KIAA1217: variants seen among roughly 807,000 people sequenced by gnomAD.
KIAA1217 encodes sickle tail protein homolog.
In KIAA1217, 88 loss-of-function variants were observed where a neutral mutation model predicts 163.9. The observed-to-expected ratio is 0.54, with a 90% confidence interval of 0.45 to 0.64. The LOEUF (loss-of-function observed/expected upper bound fraction) is 0.64. Among genes scored for constraint, KIAA1217 ranks in the 30% least tolerant of loss-of-function variants. KIAA1217 has a pLI of 0.00. For synonymous variants in KIAA1217, 903 were observed against 923.1 expected (o/e 0.98, Z 0.39); for missense variants, 2,372 against 2,475.0 (o/e 0.96, Z 0.88).
intron 3 of KIAA1217, among the ~76,000 whole-genome samples, chr10:24,405,903 A>G (rs2057158282): frequency 6.6e-6 from 1 of 152,214 alleles, no homozygotes; most frequent in African/African-American, 2.4e-5. Context: ...ATTTTCTAAA[A>G]GGAATGCTGC....
rs573885579 is a variant in KIAA1217 at position 24,457,418 on chromosome 10, GGCTGGAGTGCAGTGGTATAATCATA to G, written c.847-15781_847-15757del. 2.8e-3 allele frequency among the ~76,000 whole-genome samples: 433 copies of G among 152,062 alleles called. 2 individuals carry two copies. Among genetic ancestry groups the G allele is most frequent in the African/African-American group, 9.6e-3 (399 of 41,492 alleles). On this transcript the variant is annotated intron_variant, in intron 5 of 20. Transcript: ENST00000376454. ...GAACAGGATCGTATTCTGTCACCCA[GGCTGGAGTGCAGTGGTATAATCATA>G]GCTGGAGTGCAGTGGTATAATCATA...
chr10:24,119,827 G>A, intron 2 of KIAA1217, among the ~76,000 whole-genome samples: 1 of 152,254 alleles, frequency 6.6e-6, no homozygotes, highest in Admixed American at 6.5e-5. Flanking sequence ...GTGCTGTCTG[G>A]CCAATGTCTG....
At position 24,108,517 on chromosome 10, in the gene KIAA1217, C is replaced by G. The variant is rs1261737546; in HGVS notation, c.-171+101143C>G. On this transcript the variant is annotated intron_variant, in intron 2 of 18. Transcript: ENST00000376462. ...CTTTGTATAATAGTTAAATGAATAG[C>G]AAGAGAAAAGAAACCTTGAAGTCAA... 3.3e-5 allele frequency among the ~76,000 whole-genome samples: 5 copies of G among 152,014 alleles called. No homozygotes were observed. The East Asian group carries it at 9.6e-4, about 29-fold the overall frequency.
chr10:23,913,682 C>A (rs546811780), intron 1 of KIAA1217, among the ~76,000 whole-genome samples: 117 of 152,244 alleles, frequency 7.7e-4, no homozygotes, highest in Middle Eastern at 3.4e-3. Context: ...ATAGCACTGT[C>A]CCTCTCGATT....
chr10:23,901,977 A>G (rs1160242880), intron 1 of KIAA1217, among the ~76,000 whole-genome samples: 1 of 151,942 alleles, frequency 6.6e-6, no homozygotes, highest in African/African-American at 2.4e-5. Context: ...ATACTTGGAT[A>G]TGTATCCAGA....
At chr10:24,466,723 G>A in intron 5 of KIAA1217, 1 of 985,446 alleles carries the variant, frequency 1.0e-6, no homozygotes, top group Non-Finnish European at 1.2e-6. Context: ...AAGGAATCAT[G>A]TAATCAGGAC....
intron 1 of KIAA1217, among the ~76,000 whole-genome samples, chr10:23,835,304 A>G (rs1302724755): frequency 6.6e-6 from 1 of 152,200 alleles, no homozygotes. Context: ...TAGTAGAAAA[A>G]AGAATATGAA....
chr10:24,049,240 T>C (rs1238772688), intron 2 of KIAA1217, among the ~76,000 whole-genome samples: 1 of 152,094 alleles, frequency 6.6e-6, no homozygotes, highest in Admixed American at 6.6e-5. Context: ...CATAGCCTGC[T>C]TAGGGTAGAG....
chr10:24,308,036 GAA>G (rs888649259), intron 2 of KIAA1217, among the ~76,000 whole-genome samples: 1 of 152,118 alleles, frequency 6.6e-6, no homozygotes, highest in African/African-American at 2.4e-5. Context: ...AATTATAAAA[GAA>G]AAATATAGCC....
At chr10:23,949,570 TAGAC>T (rs964333150) in intron 1 of KIAA1217, among the ~76,000 whole-genome samples, 3 of 151,950 alleles carry the variant, frequency 2.0e-5, no homozygotes, top group East Asian at 1.9e-4. Context: ...AGAAAAAAAA[TAGAC>T]AGGAACATTT....
intron 2 of KIAA1217, among the ~76,000 whole-genome samples, chr10:24,063,708 C>G (rs918524604): frequency 3.9e-5 from 6 of 152,070 alleles, no homozygotes; most frequent in African/African-American, 1.4e-4. Flanking sequence ...GGGGATGGCA[C>G]TGAATCTATA....
chr10:24,179,595 C>CT (rs1231840342), intron 2 of KIAA1217, among the ~76,000 whole-genome samples: 9 of 151,514 alleles, frequency 5.9e-5, no homozygotes, highest in South Asian at 4.2e-4. Flanking sequence ...TCTTTCTTTT[C>CT]TTTTTTTTTC....
chr10:24,148,043 G>A (rs148289741), intron 2 of KIAA1217, among the ~76,000 whole-genome samples: 30 of 151,996 alleles, frequency 2.0e-4, no homozygotes, highest in Middle Eastern at 3.4e-3. Context: ...ACTTTTGAGC[G>A]TATAAGCCCA....
intron 2 of KIAA1217, among the ~76,000 whole-genome samples, chr10:24,033,777 C>G (rs1393077286): frequency 6.6e-6 from 1 of 152,206 alleles, no homozygotes; most frequent in Non-Finnish European, 1.5e-5. Context: ...CAAATCTGTC[C>G]AGCCACCTGT....
rs1036415861 is a variant in KIAA1217, at chr10:24,546,125, T to G, written c.5633T>G (p.Phe1878Cys). 1 of 1,614,042 alleles carries G rather than the reference T, an allele frequency of 6.2e-7. No homozygotes were observed. Among genetic ancestry groups the G allele is most frequent in the African/African-American group, 1.3e-5 (1 of 74,902 alleles). The stretch of plus-strand genomic sequence containing the variant: ...ACAGGTAAAGGTCACCATCTTTCAT[T>G]CTCACCGCAGAGTCAAAATGGCCGA... ...THTGKGHHLSFSPQSQNGRAP... is the reference protein window; with the variant it reads ...THTGKGHHLSCSPQSQNGRAP... The change falls in exon 21 of 21, where the codon TTC (phenylalanine) becomes TGC (cysteine). Residue 1878 changes from phenylalanine to cysteine, a missense_variant. By Grantham distance (205) the Phe-to-Cys change is radical. This residue lies in a region of KIAA1217 where 690 missense variants were observed against 677.5 expected (regional missense o/e 1.02). Coordinates refer to ENST00000376454, the MANE Select transcript of KIAA1217 (RefSeq NM_019590.5).
chr10:24,380,614 CAATAAATAAATA>C lies in KIAA1217; in HGVS notation c.355-226_355-215del, dbSNP rs56384961. On this transcript the variant is annotated intron_variant, in intron 2 of 20. Transcript: ENST00000376454. The stretch of plus-strand genomic sequence containing the variant: ...CCGATCTCACACCACTGCACTCTGG[CAATAAATAAATA>C]AATAAATAAATAAATAAATAAATAA... Among the ~76,000 whole-genome samples, 2,292 of 145,616 alleles carry C rather than the reference CAATAAATAAATA, an allele frequency of 0.016. 90 individuals are homozygous for C. In the East Asian group the frequency reaches 0.17, roughly 11 times the overall value.
chr10:23,770,946 A>G (rs1834768504), intron 1 of KIAA1217, among the ~76,000 whole-genome samples: 1 of 152,178 alleles, frequency 6.6e-6, no homozygotes, highest in Non-Finnish European at 1.5e-5. Context: ...GACAACATAA[A>G]TTAGCGTGTT....
intron 2 of KIAA1217, among the ~76,000 whole-genome samples, chr10:24,252,075 G>C (rs1404558574): frequency 6.6e-6 from 1 of 152,002 alleles, no homozygotes; most frequent in Non-Finnish European, 1.5e-5. Context: ...ACATTCATAG[G>C]TTGTTCATGG....
At chr10:24,227,886 C>T (rs1354644120) in intron 2 of KIAA1217, among the ~76,000 whole-genome samples, 2 of 152,152 alleles carry the variant, frequency 1.3e-5, no homozygotes, top group African/African-American at 4.8e-5. Flanking sequence ...CTTCTGGTTT[C>T]TCCCATCAGA....
Sources: gnomAD v4.1 joint callset for allele counts (sites outside exome capture counted in the v4.1 genomes callset) on GRCh38, gnomAD v4.1.1 for gene constraint, gnomAD v4.1.1 regional missense constraint, MANE v1.5 for transcripts, NCBI Gene and HGNC (gene_info 2026-07-23, HGNC 2026-07-21) for gene names.